TAS1R1: variants seen among roughly 807,000 people sequenced by gnomAD.
TAS1R1 encodes taste receptor type 1 member 1.
TAS1R1 carries 31 observed loss-of-function variants against 45.8 expected under a neutral mutation model. That is an observed-to-expected ratio of 0.68 (90% CI 0.51 to 0.91). The LOEUF (loss-of-function observed/expected upper bound fraction) is 0.91, where lower values mean the gene tolerates loss of function less well. Ranked by LOEUF, TAS1R1 falls within the 40% of genes least tolerant of loss-of-function variation. The pLI is 0.00. For synonymous variants in TAS1R1, 437 were observed against 448.4 expected (o/e 0.97, Z 0.32); for missense variants, 1,051 against 1,063.9 (o/e 0.99, Z 0.17).
chr1:6,576,463 G>T lies in TAS1R1; in HGVS notation c.1309G>T (p.Val437Leu). The change falls in exon 4 of 6, where the codon GTG becomes TTG. Residue 437 changes from valine to leucine, a missense_variant. Coordinates refer to ENST00000333172, the MANE Select transcript of TAS1R1 (RefSeq NM_138697.4). Reference sequence around the variant, plus strand: ...GCATTTCCTTCTACACAAGGACACTGTGGCGTTTAATGACAACAGAGATCC... The same window carrying T: ...GCATTTCCTTCTACACAAGGACACTTTGGCGTTTAATGACAACAGAGATCC... The part of the protein sequence containing the change: ...KVHFLLHKDT[V>L]AFNDNRDPLS... The T allele has an allele frequency of 6.2e-7, 1 of 1,614,234 alleles. No homozygotes were observed. Among genetic ancestry groups the T allele is most frequent in the African/African-American group, 1.3e-5 (1 of 75,060 alleles).
At position 6,576,403 on chromosome 1, in the gene TAS1R1, C is replaced by A. The variant is rs79251103; in HGVS notation, c.1261-12C>A. 1.5e-4 allele frequency: 238 copies of A among 1,613,888 alleles called. No individual in the cohort carries two copies. In the African/African-American group the frequency reaches 2.7e-3, roughly 18 times the overall value. On this transcript the variant is annotated splice_polypyrimidine_tract_variant and intron_variant, in intron 3 of 5. Transcript: ENST00000333172. ...CTGTCTGTGGTGGCTTCATGATACG[C>A]GTTTCTTTCAGCTTTTGGAGCAGAT...
At chr1:6,576,864 G>C in intron 4 of TAS1R1, 86 bp from the exon 5 acceptor site, 1 of 1,600,112 alleles carries the variant, frequency 6.2e-7, no homozygotes, top group Non-Finnish European at 8.5e-7. Context: ...CCTGAGGGCA[G>C]ATGCACAGAG....
Position 6,555,547 on chromosome 1 carries a change from G to A in TAS1R1, c.174G>A (p.Glu58=), listed in dbSNP as rs1431216511. Residue 58 remains glutamate, a synonymous_variant, in exon 1 of 6, where the codon GAG becomes GAA. Transcript: ENST00000333172. ...GTCTGCAGGTGAGGCACAGACCCGA[G>A]GTGACCCTGTGTGACAGGTGAGTGA... ...SGCLQVRHRP[E]VTLCDRSCSF... The A allele has an allele frequency of 1.3e-6, 2 of 1,551,174 alleles. No individual in the cohort carries two copies. Among genetic ancestry groups the A allele is most frequent in the South Asian group, 1.2e-5 (1 of 84,160 alleles).
chr1:6,567,150 G>A (rs577065348), intron 1 of TAS1R1, among the ~76,000 whole-genome samples: 1 of 152,158 alleles, frequency 6.6e-6, no homozygotes, highest in Non-Finnish European at 1.5e-5. Context: ...ATGAGAAAAT[G>A]GTATTGAATA....
rs543869151 is a variant in TAS1R1, at chr1:6,560,759, G to A, written c.191+5195G>A. ...GCACTTTGGGAGGCTGAGGTGGGCA[G>A]ATCACGAGGTCAGGAGATCGAGACC... is the stretch of plus-strand genomic sequence containing the variant. On this transcript the variant is annotated intron_variant, in intron 1 of 5. Transcript: ENST00000333172. 9.2e-5 allele frequency among the ~76,000 whole-genome samples: 14 copies of A among 152,260 alleles called. No individual in the cohort carries two copies. The South Asian group carries it at 2.9e-3, about 32-fold the overall frequency.
In TAS1R1 at chr1:6,578,798, G is replaced by A. The variant is rs755083470; in HGVS notation, c.1740G>A (p.Leu580=). Residue 580 remains leucine, a synonymous_variant, in exon 6 of 6, where the codon CTG becomes CTA. Transcript: ENST00000333172. The part of the protein sequence containing the change: ...LLAANTLLLL[L]LLGTAGLFAW... Reference sequence around the variant, plus strand: ...CAGCTAACACGCTGCTGCTGCTGCTGCTGCTTGGGACTGCTGGCCTGTTTG... The same window carrying A: ...CAGCTAACACGCTGCTGCTGCTGCTACTGCTTGGGACTGCTGGCCTGTTTG... The A allele has an allele frequency of 1.2e-6, 2 of 1,614,004 alleles. No individual in the cohort carries two copies. Among genetic ancestry groups the A allele is most frequent in the African/African-American group, 1.3e-5 (1 of 75,058 alleles).
chr1:6,558,273 A>G lies in TAS1R1; in HGVS notation c.191+2709A>G, dbSNP rs1471762036. The stretch of plus-strand genomic sequence containing the variant: ...AGCTGGTCTCAAATTCTTGAGCTCA[A>G]GCAGTCCTCTCACAGTGCTAGGCCT... On this transcript the variant is annotated intron_variant, in intron 1 of 5. Coordinates refer to ENST00000333172, the MANE Select transcript of TAS1R1 (RefSeq NM_138697.4). Among the ~76,000 whole-genome samples the G allele has an allele frequency of 2.0e-5, 3 of 152,080 alleles. No homozygotes were observed. The East Asian group carries it at 5.8e-4, about 29-fold the overall frequency.
intron 1 of TAS1R1, among the ~76,000 whole-genome samples, chr1:6,564,245 T>C (rs1013948332): frequency 2.0e-5 from 3 of 151,958 alleles, no homozygotes; most frequent in African/African-American, 4.8e-5. Context: ...CTGGGGCTGG[T>C]TGGGTTAAGA....
chr1:6,571,158 C>T lies in TAS1R1; in HGVS notation c.441C>T (p.Asp147=), dbSNP rs777929919. 1 of 1,606,274 alleles carries T rather than the reference C, an allele frequency of 6.2e-7. No individual in the cohort carries two copies. The change falls in exon 2 of 6, where the codon GAC becomes GAT. Residue 147 remains aspartate, a synonymous_variant. Coordinates refer to ENST00000333172, the MANE Select transcript of TAS1R1 (RefSeq NM_138697.4). ...SPTVLAVIGP[D]STNRAATTAA... Reference sequence around the variant, plus strand: ...CGGTGCTGGCAGTGATTGGGCCTGACAGCACCAACCGTGCTGCCACCACAG... The same window carrying T: ...CGGTGCTGGCAGTGATTGGGCCTGATAGCACCAACCGTGCTGCCACCACAG...
intron 1 of TAS1R1, among the ~76,000 whole-genome samples, chr1:6,562,505 T>A (rs1448904832): frequency 6.6e-6 from 1 of 152,168 alleles, no homozygotes; most frequent in East Asian, 1.9e-4. Flanking sequence ...CCTGGGCATG[T>A]TCCAAGACTC....
At chr1:6,560,245 C>T (rs533822855) in intron 1 of TAS1R1, among the ~76,000 whole-genome samples, 5 of 152,098 alleles carry the variant, frequency 3.3e-5, no homozygotes, top group East Asian at 3.9e-4. Flanking sequence ...TGCCGTAAGC[C>T]GAGATCATGC....
chr1:6,555,627 G>A (rs1456443390), intron 1 of TAS1R1, 63 bp downstream of exon 1: 10 of 1,470,702 alleles, frequency 6.8e-6, no homozygotes, highest in Non-Finnish European at 9.2e-6. Context: ...CCCTCTGGCT[G>A]CCATCCTCCA....
chr1:6,560,297 T>G (rs1277956379), intron 1 of TAS1R1, among the ~76,000 whole-genome samples: 1 of 152,092 alleles, frequency 6.6e-6, no homozygotes, highest in African/African-American at 2.4e-5. Flanking sequence ...AACTCCATCT[T>G]GTAAGGTTAG....
chr1:6,579,716 T>A lies in TAS1R1; in HGVS notation c.*132T>A. 7.9e-7 allele frequency: 1 copy of A among 1,259,654 alleles called. No individual in the cohort carries two copies. The highest frequency in any genetic ancestry group is 1.1e-6 in the Non-Finnish European group (1 of 936,074). The allele number at this position is 1,259,654 out of a possible 1,614,324, so 78.0% of individuals were successfully genotyped here. ...GGACGTGTAAGCGCCTGGGAGAGCC[T>A]AGACCAGGCTCCGGGCTGCCAATAA... On this transcript the variant is annotated 3_prime_UTR_variant, in exon 6 of 6. Transcript: ENST00000333172.
chr1:6,570,204 A>C (rs1370494424), intron 1 of TAS1R1, among the ~76,000 whole-genome samples: 1 of 152,146 alleles, frequency 6.6e-6, no homozygotes, highest in Non-Finnish European at 1.5e-5. Flanking sequence ...CAGAGGAGGC[A>C]GCAGCCCAGG....
intron 1 of TAS1R1, among the ~76,000 whole-genome samples, chr1:6,565,923 G>A (rs1639865209): frequency 6.6e-6 from 1 of 152,154 alleles, no homozygotes; most frequent in Admixed American, 6.5e-5. Flanking sequence ...TGTCTATTAA[G>A]GCTACCCATG....
chr1:6,567,226 A>G (rs1209613607), intron 1 of TAS1R1, among the ~76,000 whole-genome samples: 1 of 152,144 alleles, frequency 6.6e-6, no homozygotes, highest in Non-Finnish European at 1.5e-5. Flanking sequence ...CACAACTGAG[A>G]CTGAGGCAAG....
rs1446528133 is a variant in TAS1R1, at chr1:6,576,989, C to G, written c.1513C>G (p.His505Asp). 4.5e-5 allele frequency: 73 copies of G among 1,614,146 alleles called. No individual in the cohort carries two copies. Among genetic ancestry groups the G allele is most frequent in the Non-Finnish European group, 5.9e-5 (70 of 1,180,052 alleles). Reference sequence around the variant, plus strand: ...GTGTTCCAGCGACTGTCTTGAAGGGCACCAGCGAGTGGTTACGGGTTTCCA... The same window carrying G: ...GTGTTCCAGCGACTGTCTTGAAGGGGACCAGCGAGTGGTTACGGGTTTCCA... ...SVCSSDCLEG[H>D]QRVVTGFHHC... Residue 505 changes from histidine to aspartate, a missense_variant, in exon 5 of 6, where the codon CAC becomes GAC. His to Asp is a moderately conservative substitution (Grantham distance 81). Transcript: ENST00000333172.
In TAS1R1 at chr1:6,574,687, C is replaced by G. The variant is rs373568546; in HGVS notation, c.555C>G (p.Phe185Leu). Reference protein sequence around the residue: ...TLSVKRQYPSFLRTIPNDKYQ... With the variant: ...TLSVKRQYPSLLRTIPNDKYQ... ...GCGTGAAGCGGCAGTATCCCTCTTT[C>G]CTGCGCACCATCCCCAATGACAAGT... Residue 185 changes from phenylalanine (F) to leucine (L), a missense_variant, in exon 3 of 6, where the codon TTC (phenylalanine) becomes TTG (leucine). Phe to Leu is a conservative substitution (Grantham distance 22). Transcript: ENST00000333172. This position sits in a 1 kb window ranked among gnomAD's most constrained non-coding sequence, Gnocchi z 4.3. 2.3e-5 allele frequency: 37 copies of G among 1,614,002 alleles called. No individual in the cohort carries two copies. In the African/African-American group the frequency reaches 4.5e-4, roughly 20 times the overall value.
Sources: allele counts gnomAD v4.1 joint callset (sites outside exome capture counted in the v4.1 genomes callset), GRCh38; gene constraint gnomAD v4.1.1; non-coding constraint Gnocchi (gnomAD v3.1); transcripts MANE v1.5; gene names NCBI Gene and HGNC (gene_info 2026-07-23, HGNC 2026-07-21).